Variants in USP24 observed in about 807,000 individuals in gnomAD.
The protein encoded by USP24 is ubiquitin specific peptidase 24.
USP24 carries 97 observed loss-of-function variants against 361.6 expected under a neutral mutation model. The observed-to-expected ratio is 0.27, with a 90% CI of 0.23 to 0.32. The LOEUF (loss-of-function observed/expected upper bound fraction) is 0.32, where lower values mean the gene tolerates loss of function less well. Ranked by LOEUF, USP24 falls within the 10% of genes least tolerant of loss-of-function variation. The pLI is 1.00. For missense variants in USP24, 2,353 were observed against 3,165.6 expected, an observed-to-expected ratio of 0.74 and a Z score of 6.16; for synonymous variants, 1,098 against 1,124.6, an observed-to-expected ratio of 0.98 and a Z score of 0.47.
At chr1:55,189,324 A>AT (rs927409559) in intron 1 of USP24, among the ~76,000 whole-genome samples, 3 of 152,310 alleles carry the variant, frequency 2.0e-5, no homozygotes, top group Non-Finnish European at 2.9e-5. Context: ...ACAATGAAGT[A>AT]TTTTTTAGCT....
chr1:55,172,231 G>A, intron 4 of USP24, 146 bp downstream of exon 4: 1 of 848,116 alleles, frequency 1.2e-6, no homozygotes, highest in Non-Finnish European at 1.6e-6. Context: ...TGGTTGCTCT[G>A]CTTTTAAAAT....
chr1:55,108,187 A>T lies in USP24; in HGVS notation c.4571-757T>A, dbSNP rs1372727283. ...GAGTTCTGCAAAGGAGAATGAGGTC[A>T]GAAGTACAGCTGCCAGAGTCCAGGT... On this transcript the variant is annotated intron_variant, in intron 39 of 67. Coordinates refer to ENST00000294383, the MANE Select transcript of USP24 (RefSeq NM_015306.3). Among the ~76,000 whole-genome samples the T allele has an allele frequency of 1.3e-5, 2 of 152,218 alleles. 1 individual carries two copies. Among genetic ancestry groups the T allele is most frequent in the Non-Finnish European group, 2.9e-5 (2 of 68,040 alleles).
At chr1:55,128,444 G>C (rs569587985) in intron 32 of USP24, among the ~76,000 whole-genome samples, 14 of 152,080 alleles carry the variant, frequency 9.2e-5, no homozygotes, top group Admixed American at 7.9e-4. Context: ...TCCTTTGCTT[G>C]AACACCAGGC....
At chr1:55,099,572 G>GA (rs986199893) in intron 45 of USP24, among the ~76,000 whole-genome samples, 199 bp downstream of exon 45, 2 of 151,472 alleles carry the variant, frequency 1.3e-5, no homozygotes, top group African/African-American at 2.4e-5. Context: ...AAAAAGAAAA[G>GA]AAAAAAAAGA....
At chr1:55,187,074 T>C (rs941667977) in intron 1 of USP24, among the ~76,000 whole-genome samples, 1 of 151,776 alleles carries the variant, frequency 6.6e-6, no homozygotes, top group East Asian at 1.9e-4. Flanking sequence ...CATGACCAAG[T>C]GGCACTTATC....
chr1:55,174,177 A>C (rs1286404047), intron 3 of USP24, among the ~76,000 whole-genome samples: 2 of 152,246 alleles, frequency 1.3e-5, no homozygotes, highest in African/African-American at 4.8e-5. Context: ...TTATTTATGT[A>C]ATCACATATC....
chr1:55,115,618 A>G (rs1646091550), intron 38 of USP24, among the ~76,000 whole-genome samples: 1 of 152,108 alleles, frequency 6.6e-6, no homozygotes, highest in Non-Finnish European at 1.5e-5. Context: ...GCAATTCCTT[A>G]AGGATCTAGA....
chr1:55,169,097 T>C (rs1040553085), intron 5 of USP24, among the ~76,000 whole-genome samples: 2 of 151,744 alleles, frequency 1.3e-5, no homozygotes, highest in East Asian at 1.9e-4. Context: ...AAAATATGAG[T>C]TAAGAACATG....
intron 23 of USP24, 104 bp from the exon 24 acceptor site, chr1:55,141,835 T>C: frequency 1.0e-6 from 1 of 1,001,234 alleles, no homozygotes; most frequent in South Asian, 1.4e-5. Flanking sequence ...GTCCTGGGCA[T>C]TCACTGTAGG....
intron 5 of USP24, among the ~76,000 whole-genome samples, chr1:55,169,123 A>T (rs945547503): frequency 1.3e-5 from 2 of 152,168 alleles, no homozygotes; most frequent in Non-Finnish European, 2.9e-5. Flanking sequence ...ATACAAAATG[A>T]AACAGTCAAA....
chr1:55,100,165 T>C (rs1030182212), intron 44 of USP24, among the ~76,000 whole-genome samples: 1 of 152,194 alleles, frequency 6.6e-6, no homozygotes, highest in African/African-American at 2.4e-5. Flanking sequence ...CACAAGGTGA[T>C]CCTCCAATAT....
At chr1:55,140,702 T>A (rs946481591) in intron 24 of USP24, among the ~76,000 whole-genome samples, 1 of 152,176 alleles carries the variant, frequency 6.6e-6, no homozygotes, top group African/African-American at 2.4e-5. Flanking sequence ...AAAGACTCTA[T>A]GAGTACCCAT....
chr1:55,107,569 C>A (rs1248718970), intron 39 of USP24, 139 bp from the exon 40 acceptor site: 2 of 1,039,264 alleles, frequency 1.9e-6, no homozygotes, highest in Non-Finnish European at 2.7e-6. Context: ...TAAGGCCAGG[C>A]GAGCTGGCTC....
intron 7 of USP24, among the ~76,000 whole-genome samples, chr1:55,165,655 A>T (rs1648757167): frequency 6.6e-6 from 1 of 152,134 alleles, no homozygotes; most frequent in Non-Finnish European, 1.5e-5. Context: ...AAATTAAGAG[A>T]AAAATGCCAC....
At chr1:55,178,719 ATAAATAAAT>A (rs1457797229) in intron 1 of USP24, among the ~76,000 whole-genome samples, 7 of 131,056 alleles carry the variant, frequency 5.3e-5, no homozygotes, top group African/African-American at 2.0e-4. Context: ...AAATAAATAA[ATAAATAAAT>A]AAAAAGAACT....
intron 1 of USP24, among the ~76,000 whole-genome samples, chr1:55,205,789 A>G (rs1644687960): frequency 6.6e-6 from 1 of 152,224 alleles, no homozygotes; most frequent in Non-Finnish European, 1.5e-5. Context: ...ATTCTAAAAC[A>G]CGGAAAAATA....
At chr1:55,195,661 G>A (rs1644398264) in intron 1 of USP24, among the ~76,000 whole-genome samples, 1 of 152,200 alleles carries the variant, frequency 6.6e-6, no homozygotes, top group African/African-American at 2.4e-5. Flanking sequence ...AACAAGCCTT[G>A]AGGACATCAT....
At position 55,071,803 on chromosome 1, in the gene USP24, G is replaced by A; in HGVS notation, c.7800+11C>T. The A allele has an allele frequency of 6.2e-7, 1 of 1,607,424 alleles. No homozygotes were observed. The highest frequency in any genetic ancestry group is 8.5e-7 in the Non-Finnish European group (1 of 1,176,320). ...TGCCCTTTGCACACAAGGACATGCT[G>A]ACCGTTATACCTGCTGTAGATGCCT... is the stretch of plus-strand genomic sequence containing the variant. On this transcript the variant is annotated intron_variant, in intron 67 of 67. Coordinates refer to ENST00000294383, the MANE Select transcript of USP24 (RefSeq NM_015306.3).
rs1399946171 is a variant in USP24 at position 55,092,087 on chromosome 1, C to T, written c.6490G>A (p.Val2164Met). The T allele has an allele frequency of 1.9e-5, 30 of 1,612,532 alleles. No individual in the cohort carries two copies. Among genetic ancestry groups the T allele is most frequent in the Non-Finnish European group, 2.5e-5 (29 of 1,179,338 alleles). Reference sequence around the variant, plus strand: ...AATTGAATAGCAAGCTGTAAGCTCACCTTTGCCATGCAAGGATAATATGGA... The same window carrying T: ...AATTGAATAGCAAGCTGTAAGCTCATCTTTGCCATGCAAGGATAATATGGA... The part of the protein sequence containing the change: ...KHPYYPCMAK[V>M]SLQLAIQFLF... Residue 2164 changes from valine (V) to methionine (M), a missense_variant, in exon 54 of 68, where the codon GTG becomes ATG. Coordinates refer to ENST00000294383, the MANE Select transcript of USP24 (RefSeq NM_015306.3).
Sources: gnomAD v4.1 joint callset for allele counts (sites outside exome capture counted in the v4.1 genomes callset) on GRCh38, gnomAD v4.1.1 for gene constraint, MANE v1.5 for transcripts, NCBI Gene and HGNC (gene_info 2026-07-23, HGNC 2026-07-21) for gene names.